Variants in AGMO observed in about 807,000 individuals in gnomAD.
The protein encoded by AGMO is alkylglycerol monooxygenase, also known as glyceryl-ether monooxygenase.
A neutral mutation model predicts 60.2 loss-of-function variants in AGMO; 75 were observed. The ratio of observed to expected loss-of-function variants is 1.25; its 90% CI spans 1.03 to 1.51. The LOEUF is 1.51. AGMO is among the 40% of genes most tolerant of loss of function. The pLI is 0.00. For missense variants in AGMO, 763 were observed against 525.5 expected (o/e 1.45, Z -4.42); for synonymous variants, 261 against 177.1 (o/e 1.47, Z -3.76).
chr7:15,526,583 C>CT (rs1268305760), intron 3 of AGMO, among the ~76,000 whole-genome samples: 1 of 152,200 alleles, frequency 6.6e-6, no homozygotes, highest in Non-Finnish European at 1.5e-5. Context: ...CTTGGGACCA[C>CT]TTAAGCCTTC....
intron 10 of AGMO, among the ~76,000 whole-genome samples, chr7:15,383,276 A>G (rs1209632351): frequency 6.6e-6 from 1 of 152,188 alleles, no homozygotes; most frequent in Non-Finnish European, 1.5e-5. Context: ...TCAGAAAAGC[A>G]TAGCTGTAGG....
the AGMO span, among the ~76,000 whole-genome samples, chr7:15,156,313 G>A: frequency 6.6e-6 from 1 of 152,130 alleles, no homozygotes; most frequent in African/African-American, 2.4e-5. Flanking sequence ...CTGAGGCTGT[G>A]CAGCAAGCAA....
intron 12 of AGMO, among the ~76,000 whole-genome samples, chr7:15,318,529 C>G (rs886511518): frequency 6.6e-6 from 1 of 151,952 alleles, no homozygotes; most frequent in East Asian, 1.9e-4. Flanking sequence ...TTGACTCAGA[C>G]AAAGTTCACA....
chr7:15,533,917 C>CA (rs1784426294), intron 3 of AGMO, among the ~76,000 whole-genome samples: 1 of 152,012 alleles, frequency 6.6e-6, no homozygotes, highest in Non-Finnish European at 1.5e-5. Context: ...GATGATGTAG[C>CA]ACAAGCTATA....
At chr7:15,560,955 CAGAA>C (rs1436811835) in intron 1 of AGMO, among the ~76,000 whole-genome samples, 8 of 152,028 alleles carry the variant, frequency 5.3e-5, no homozygotes, top group African/African-American at 1.7e-4. Context: ...CTTAAAAACT[CAGAA>C]AGAAAGTGTA....
intron 12 of AGMO, among the ~76,000 whole-genome samples, chr7:15,216,237 C>G (rs905660536): frequency 3.3e-5 from 5 of 152,094 alleles, no homozygotes; most frequent in Non-Finnish European, 5.9e-5. Context: ...TCAGGCCAAA[C>G]AGCAATCAGA....
chr7:15,261,906 G>T (rs1407953912), intron 12 of AGMO, among the ~76,000 whole-genome samples: 1 of 151,900 alleles, frequency 6.6e-6, no homozygotes, highest in Non-Finnish European at 1.5e-5. Flanking sequence ...AAAATCACAT[G>T]ATAATCTCAA....
intron 2 of AGMO, among the ~76,000 whole-genome samples, chr7:15,553,433 C>T (rs1407655704): frequency 6.6e-6 from 1 of 151,876 alleles, no homozygotes; most frequent in Admixed American, 6.6e-5. Flanking sequence ...TAAGTATTAG[C>T]ACATGGTATC....
chr7:15,381,521 AAAT>A (rs1783685139), intron 10 of AGMO, among the ~76,000 whole-genome samples: 1 of 152,196 alleles, frequency 6.6e-6, no homozygotes, highest in South Asian at 2.1e-4. Flanking sequence ...AAAACTCAAA[AAAT>A]AACATGCTGG....
At chr7:15,317,986 A>ATG (rs1780991158) in intron 12 of AGMO, among the ~76,000 whole-genome samples, 14 of 148,508 alleles carry the variant, frequency 9.4e-5, no homozygotes, top group Admixed American at 3.5e-4. Flanking sequence ...ACGTATATAT[A>ATG]TATACACGTA....
At chr7:15,284,034 G>T (rs968464601) in intron 12 of AGMO, among the ~76,000 whole-genome samples, 2 of 151,946 alleles carry the variant, frequency 1.3e-5, no homozygotes, top group African/African-American at 4.8e-5. Context: ...TGAAATGAAT[G>T]ATAATAGTGA....
chr7:15,289,587 T>C (rs1227811034), intron 12 of AGMO, among the ~76,000 whole-genome samples: 2 of 152,002 alleles, frequency 1.3e-5, no homozygotes, highest in Non-Finnish European at 2.9e-5. Context: ...CATACATAGG[T>C]TCTAATAAGT....
intron 3 of AGMO, among the ~76,000 whole-genome samples, chr7:15,460,552 GAAAT>G (rs1211072704): frequency 5.3e-5 from 8 of 151,844 alleles, no homozygotes; most frequent in Non-Finnish European, 1.2e-4. Context: ...TTGCTTTTCA[GAAAT>G]AAATGTGACT....
At position 15,200,473 on chromosome 7, in the gene AGMO, A is replaced by T. The variant is rs916502790; in HGVS notation, c.*812T>A. 1.2e-4 allele frequency: 19 copies of T among 152,158 alleles called. No homozygotes were observed. Among genetic ancestry groups the T allele is most frequent in the Admixed American group, 3.3e-4 (5 of 15,266 alleles). The allele number at this position is 152,158 out of a possible 1,614,324, so 9.4% of individuals were successfully genotyped here. ...CTGTTGAAAAAACTAATTCTGACAAATTCTGTTCATTTTTCTTTCAGTGAT... is the reference window on the plus strand; with the variant it reads ...CTGTTGAAAAAACTAATTCTGACAATTTCTGTTCATTTTTCTTTCAGTGAT... On this transcript the variant is annotated 3_prime_UTR_variant, in exon 13 of 13. Coordinates refer to ENST00000342526, the MANE Select transcript of AGMO (RefSeq NM_001004320.2).
the AGMO span, among the ~76,000 whole-genome samples, chr7:15,190,049 C>A: frequency 6.9e-6 from 1 of 144,672 alleles, no homozygotes; most frequent in African/African-American, 2.5e-5. Context: ...TTTGTGTAGT[C>A]CATGTACTCA....
At chr7:15,371,920 AGT>A (rs1783234482) in intron 10 of AGMO, among the ~76,000 whole-genome samples, 1 of 101,286 alleles carries the variant, frequency 9.9e-6, no homozygotes, top group African/African-American at 4.5e-5. Context: ...TAAATTATTA[AGT>A]GTTTCTAAAT....
intron 12 of AGMO, among the ~76,000 whole-genome samples, chr7:15,319,892 TTATC>T (rs1311872893): frequency 6.6e-6 from 1 of 152,094 alleles, no homozygotes; most frequent in East Asian, 1.9e-4. Context: ...TGGAAAAGGA[TTATC>T]TAGATAGTAT....
chr7:15,555,490 G>A (rs1253813612), intron 2 of AGMO, among the ~76,000 whole-genome samples: 1 of 151,334 alleles, frequency 6.6e-6, no homozygotes, highest in Admixed American at 6.6e-5. Context: ...ATTTTTGCTT[G>A]GTAATAATAA....
At chr7:15,282,460 C>T (rs1783994958) in intron 12 of AGMO, among the ~76,000 whole-genome samples, 1 of 151,852 alleles carries the variant, frequency 6.6e-6, no homozygotes, top group Admixed American at 6.6e-5. Flanking sequence ...ACAGACTAGA[C>T]CAAGTAGAAG....
Sources: allele counts gnomAD v4.1 joint callset (sites outside exome capture counted in the v4.1 genomes callset), GRCh38; gene constraint gnomAD v4.1.1; transcripts MANE v1.5; gene names NCBI Gene and HGNC (gene_info 2026-07-23, HGNC 2026-07-21).